NAALADL2: variants seen among roughly 807,000 people sequenced by gnomAD.
NAALADL2 encodes the protein N-acetylated alpha-linked acidic dipeptidase like 2.
A neutral mutation model predicts 87.2 loss-of-function variants in NAALADL2; 76 were observed. That is an observed-to-expected ratio of 0.87 (90% confidence interval 0.72 to 1.05). NAALADL2 has a LOEUF of 1.05. Among genes scored for constraint, NAALADL2 ranks in the 50% least tolerant of loss-of-function variants. NAALADL2 has a pLI of 0.00. For missense variants in NAALADL2, 1,089 were observed against 945.8 expected (o/e 1.15, Z -1.99); for synonymous variants, 354 against 331.0 (o/e 1.07, Z -0.75).
intron 3 of NAALADL2, among the ~76,000 whole-genome samples, chr3:174,850,141 G>C (rs989232021): frequency 6.6e-6 from 1 of 152,054 alleles, no homozygotes; most frequent in South Asian, 2.1e-4. Flanking sequence ...TCTCCCTCAT[G>C]TTCGAAGGAT....
intron 1 of NAALADL2, among the ~76,000 whole-genome samples, chr3:174,942,013 A>G (rs985027392): frequency 2.0e-5 from 3 of 151,768 alleles, no homozygotes; most frequent in Non-Finnish European, 2.9e-5. Flanking sequence ...CAGGATTAGT[A>G]TTGTTATATG....
intron 1 of NAALADL2, among the ~76,000 whole-genome samples, chr3:174,477,387 A>G (rs2108322350): frequency 6.6e-6 from 1 of 152,220 alleles, no homozygotes; most frequent in African/African-American, 2.4e-5. Context: ...GAGGTAGGAA[A>G]TGAAAATAAA....
At chr3:175,108,895 G>T (rs540908032) in intron 2 of NAALADL2, among the ~76,000 whole-genome samples, 6 of 151,720 alleles carry the variant, frequency 4.0e-5, no homozygotes, top group African/African-American at 9.7e-5. Flanking sequence ...ATTTCTTGTG[G>T]TTTTTCTGAA....
At chr3:175,788,881 T>C (rs1402207764) in intron 13 of NAALADL2, among the ~76,000 whole-genome samples, 1 of 152,208 alleles carries the variant, frequency 6.6e-6, no homozygotes, top group Non-Finnish European at 1.5e-5. Flanking sequence ...ACTAAAATTT[T>C]TATTAGCATA....
chr3:175,795,713 A>G (rs1753390933), intron 13 of NAALADL2, among the ~76,000 whole-genome samples: 1 of 150,248 alleles, frequency 6.7e-6, no homozygotes, highest in South Asian at 2.1e-4. Flanking sequence ...AAAATAAAAT[A>G]AATAAAAAAG....
At chr3:174,898,695 AAGAC>A (rs1036297476) in intron 1 of NAALADL2, among the ~76,000 whole-genome samples, 16 of 152,112 alleles carry the variant, frequency 1.1e-4, no homozygotes, top group African/African-American at 2.9e-4. Flanking sequence ...TGTATGAAAA[AAGAC>A]AGTCACTAAA....
chr3:174,819,370 A>G (rs1178344788), intron 3 of NAALADL2, among the ~76,000 whole-genome samples: 4 of 133,126 alleles, frequency 3.0e-5, no homozygotes, highest in Non-Finnish European at 6.3e-5. Context: ...TGGCTAATAT[A>G]TTTATTCTTT....
intron 2 of NAALADL2, among the ~76,000 whole-genome samples, chr3:174,609,528 A>G (rs1314130754): frequency 6.6e-6 from 1 of 152,172 alleles, no homozygotes; most frequent in African/African-American, 2.4e-5. Context: ...TAACAGACAA[A>G]CAGAGAGCCA....
chr3:175,403,476 G>A (rs1711722954), intron 5 of NAALADL2, among the ~76,000 whole-genome samples: 1 of 152,034 alleles, frequency 6.6e-6, no homozygotes, highest in South Asian at 2.1e-4. Context: ...CCAAATAACA[G>A]CATTAAAGCC....
chr3:175,215,473 C>T (rs74989465), intron 2 of NAALADL2, among the ~76,000 whole-genome samples: 1,905 of 152,228 alleles, frequency 0.013, 46 homozygotes, highest in African/African-American at 0.045. Flanking sequence ...GCTTCTTGCT[C>T]TCTGATTACC....
intron 1 of NAALADL2, among the ~76,000 whole-genome samples, chr3:174,508,310 T>A (rs1719357833): frequency 6.6e-6 from 1 of 152,016 alleles, no homozygotes; most frequent in Admixed American, 6.5e-5. Context: ...AGATGGGGTT[T>A]CACTGTGTTA....
At chr3:174,940,608 C>G (rs1417914642) in intron 1 of NAALADL2, among the ~76,000 whole-genome samples, 1 of 151,982 alleles carries the variant, frequency 6.6e-6, no homozygotes, top group African/African-American at 2.4e-5. Context: ...TTCTTTGTCC[C>G]TGTAGTAGAA....
At chr3:175,654,309 A>G (rs1166310241) in intron 11 of NAALADL2, among the ~76,000 whole-genome samples, 1 of 152,008 alleles carries the variant, frequency 6.6e-6, no homozygotes, top group Admixed American at 6.6e-5. Flanking sequence ...TTTTCTTCTC[A>G]ATGATTTTCT....
chr3:175,052,960 A>G (rs559241083), intron 1 of NAALADL2, among the ~76,000 whole-genome samples: 97 of 152,290 alleles, frequency 6.4e-4, no homozygotes, highest in Non-Finnish European at 1.2e-3. Context: ...GAGAGGTGCA[A>G]TTCAAGCTAA....
intron 9 of NAALADL2, among the ~76,000 whole-genome samples, chr3:175,507,629 G>A (rs915971970): frequency 1.3e-5 from 2 of 152,056 alleles, no homozygotes; most frequent in African/African-American, 4.8e-5. Context: ...TCACCATGTT[G>A]GCCAGGCTGG....
chr3:174,784,835 AGTT>A (rs1246939413), intron 3 of NAALADL2, among the ~76,000 whole-genome samples: 1 of 152,092 alleles, frequency 6.6e-6, no homozygotes, highest in Non-Finnish European at 1.5e-5. Flanking sequence ...TTGTATAGGC[AGTT>A]GTTCAATTGT....
intron 5 of NAALADL2, among the ~76,000 whole-genome samples, chr3:175,412,365 C>T (rs1245739443): frequency 6.6e-6 from 1 of 152,044 alleles, no homozygotes; most frequent in African/African-American, 2.4e-5. Flanking sequence ...GATGTTTGGG[C>T]TTTTACAAAA....
In NAALADL2 at chr3:174,715,416, A is replaced by G. The variant is rs143859691; in HGVS notation, c.-114-22225A>G. 2.9e-3 allele frequency among the ~76,000 whole-genome samples: 443 copies of G among 152,312 alleles called. 2 individuals carry two copies. The highest frequency in any genetic ancestry group is 0.01 in the African/African-American group (424 of 41,578). ...TCAGTATTACTTATTCATTAATGGA[A>G]TAAGCCCAGGATTCATTTCTTAAGA... On this transcript the variant is annotated intron_variant, in intron 2 of 3. Transcript: ENST00000434257.
intron 11 of NAALADL2, among the ~76,000 whole-genome samples, chr3:175,668,665 C>T (rs1733536845): frequency 1.3e-5 from 2 of 152,038 alleles, no homozygotes; most frequent in South Asian, 4.1e-4. Context: ...ATTTCTGTCC[C>T]CTTTGCAAAA....
Sources: gnomAD v4.1 joint callset for allele counts (sites outside exome capture counted in the v4.1 genomes callset) on GRCh38, gnomAD v4.1.1 for gene constraint, MANE v1.5 for transcripts, NCBI Gene and HGNC (gene_info 2026-07-23, HGNC 2026-07-21) for gene names.